Variants in NRG3 observed in about 807,000 individuals in gnomAD.
NRG3 encodes pro-neuregulin-3, membrane-bound isoform.
Under a neutral mutation model 66.9 loss-of-function variants are expected in NRG3, and 31 were observed. The observed-to-expected ratio is 0.46, with a 90% CI of 0.35 to 0.63. The LOEUF is 0.63. Ranked by LOEUF, NRG3 falls within the 20% of genes least tolerant of loss-of-function variation. The probability of loss-of-function intolerance (pLI) is 0.00; values close to 1 mark genes in which losing one functional copy is unlikely to be tolerated. For synonymous variants in NRG3, 393 were observed against 359.4 expected (o/e 1.09, Z -1.06); for missense variants, 910 against 878.9 (o/e 1.04, Z -0.45).
At chr10:82,636,259 G>A (rs1311166963) in intron 2 of NRG3, among the ~76,000 whole-genome samples, 1 of 151,746 alleles carries the variant, frequency 6.6e-6, no homozygotes, top group Non-Finnish European at 1.5e-5. Context: ...GTGTGTGTGT[G>A]TAAATATGTG....
chr10:82,217,312 C>T (rs953544633), intron 1 of NRG3, among the ~76,000 whole-genome samples: 6 of 152,158 alleles, frequency 3.9e-5, no homozygotes, highest in South Asian at 2.1e-4. Flanking sequence ...TGGGTGCCAT[C>T]GCTCTTAACA....
At position 82,293,583 on chromosome 10, in the gene NRG3, G is replaced by A. The variant is rs991580966; in HGVS notation, c.824-65156G>A. On this transcript the variant is annotated intron_variant, in intron 1 of 8. Coordinates refer to ENST00000372141, the MANE Select transcript of NRG3 (RefSeq NM_001010848.4). ...ATTTTTCTCCTTCTCTTAGGCTACTGAAATTCTACAGCTAATTTGATTTAT... is the reference window on the plus strand; with the variant it reads ...ATTTTTCTCCTTCTCTTAGGCTACTAAAATTCTACAGCTAATTTGATTTAT... Among the ~76,000 whole-genome samples, 5 of 152,236 alleles carry A rather than the reference G, an allele frequency of 3.3e-5. No individual in the cohort carries two copies. The South Asian group carries it at 1.0e-3, about 32-fold the overall frequency.
At position 82,738,583 on chromosome 10, in the gene NRG3, A is replaced by C; in HGVS notation, c.960A>C (p.Lys320Asn). ...ATTTATCCCCTTTTCTCAGGTGCAA[A>C]GAAGGCTACCAAGGAGTCCGTTGTG... Reference protein sequence around the residue: ...LTGSHKHCRCKEGYQGVRCDQ... With the variant: ...LTGSHKHCRCNEGYQGVRCDQ... Residue 320 changes from lysine to asparagine, a missense_variant, in exon 3 of 9, where the codon AAA (lysine) becomes AAC (asparagine). Physicochemically the swap from Lys to Asn is moderately conservative, Grantham distance 94 (BLOSUM62 0). Coordinates refer to ENST00000372141, the MANE Select transcript of NRG3 (RefSeq NM_001010848.4). 1 of 1,614,050 alleles carries C rather than the reference A, an allele frequency of 6.2e-7. No homozygotes were observed. Among genetic ancestry groups the C allele is most frequent in the Non-Finnish European group, 8.5e-7 (1 of 1,179,900 alleles).
intron 1 of NRG3, among the ~76,000 whole-genome samples, chr10:81,923,695 G>A (rs1430369442): frequency 6.7e-6 from 1 of 149,998 alleles, no homozygotes; most frequent in African/African-American, 2.5e-5. Flanking sequence ...CAAGACCCCC[G>A]GAGAATGCTG....
intron 1 of NRG3, among the ~76,000 whole-genome samples, chr10:81,960,132 C>A (rs7100526): frequency 7.2e-5 from 11 of 151,882 alleles, no homozygotes; most frequent in Admixed American, 3.3e-4. Flanking sequence ...GTTCTATTCA[C>A]AATCCTTCTT....
intron 2 of NRG3, among the ~76,000 whole-genome samples, chr10:82,573,783 GCA>G (rs1260288409): frequency 6.6e-6 from 1 of 151,766 alleles, no homozygotes; most frequent in Non-Finnish European, 1.5e-5. Context: ...CAAAATGGAA[GCA>G]CTTTTGAGGG....
chr10:82,433,010 C>A (rs995153309), intron 2 of NRG3, among the ~76,000 whole-genome samples: 3 of 152,140 alleles, frequency 2.0e-5, no homozygotes, highest in Non-Finnish European at 4.4e-5. Context: ...AATGGTATTT[C>A]TGGTTCTAGA....
intron 1 of NRG3, among the ~76,000 whole-genome samples, chr10:82,288,456 A>G (rs1055321520): frequency 1.3e-5 from 2 of 152,154 alleles, no homozygotes; most frequent in African/African-American, 4.8e-5. Context: ...AAGTGCTTTC[A>G]CTGAGGCTCA....
chr10:82,175,274 C>T (rs2072942073), intron 1 of NRG3, among the ~76,000 whole-genome samples: 1 of 152,132 alleles, frequency 6.6e-6, no homozygotes, highest in African/African-American at 2.4e-5. Context: ...CTGATGCTAA[C>T]AGAATCATCA....
intron 1 of NRG3, among the ~76,000 whole-genome samples, chr10:82,115,256 C>T (rs185239635): frequency 6.4e-4 from 97 of 152,184 alleles, no homozygotes; most frequent in Non-Finnish European, 1.2e-3. Flanking sequence ...AGCTTCCCCA[C>T]CTCTCCCTAG....
intron 2 of NRG3, among the ~76,000 whole-genome samples, chr10:82,687,333 T>C (rs1382541086): frequency 6.6e-6 from 1 of 152,088 alleles, no homozygotes; most frequent in East Asian, 1.9e-4. Flanking sequence ...TAATTAACAT[T>C]CCTCCATCAC....
At chr10:81,881,120 C>T (rs1475154757) in intron 1 of NRG3, among the ~76,000 whole-genome samples, 1 of 151,776 alleles carries the variant, frequency 6.6e-6, no homozygotes, top group Non-Finnish European at 1.5e-5. Context: ...TCCCACCTGC[C>T]AGTATTTTAT....
intron 1 of NRG3, among the ~76,000 whole-genome samples, chr10:82,314,145 A>C (rs2081177951): frequency 6.6e-6 from 1 of 152,206 alleles, no homozygotes; most frequent in African/African-American, 2.4e-5. Context: ...GCACAGATTA[A>C]ATAATAAATA....
chr10:82,714,705 C>T (rs893605611), intron 2 of NRG3, among the ~76,000 whole-genome samples: 1 of 152,058 alleles, frequency 6.6e-6, no homozygotes, highest in Non-Finnish European at 1.5e-5. Context: ...ACAAGAAAAA[C>T]ATAGTGGTAT....
At chr10:81,997,228 A>G (rs1564723488) in intron 1 of NRG3, among the ~76,000 whole-genome samples, 1 of 152,162 alleles carries the variant, frequency 6.6e-6, no homozygotes, top group Non-Finnish European at 1.5e-5. Flanking sequence ...GTGCCTCTCT[A>G]ACACTGTATC....
At chr10:82,088,482 T>G (rs530322276) in intron 1 of NRG3, among the ~76,000 whole-genome samples, 32 of 152,306 alleles carry the variant, frequency 2.1e-4, no homozygotes, top group Admixed American at 1.9e-3. Context: ...TTTGTAGAGA[T>G]ACATTTGTCT....
intron 1 of NRG3, among the ~76,000 whole-genome samples, chr10:82,299,562 A>G (rs80041961): frequency 8.0e-6 from 1 of 125,500 alleles, no homozygotes; most frequent in Non-Finnish European, 1.7e-5. Context: ...TTTTTTTTTT[A>G]TTGTTGTTGT....
intron 3 of NRG3, among the ~76,000 whole-genome samples, chr10:82,758,415 G>T (rs1388323868): frequency 6.6e-6 from 1 of 152,072 alleles, no homozygotes; most frequent in Non-Finnish European, 1.5e-5. Flanking sequence ...AAGGGGAAAG[G>T]CTTGCAGAGA....
chr10:82,068,836 A>G (rs2064641209), intron 1 of NRG3, among the ~76,000 whole-genome samples: 1 of 152,224 alleles, frequency 6.6e-6, no homozygotes, highest in South Asian at 2.1e-4. Flanking sequence ...TAAAGTATGG[A>G]ATGAAATAAT....
Sources: allele counts gnomAD v4.1 joint callset (sites outside exome capture counted in the v4.1 genomes callset), GRCh38; gene constraint gnomAD v4.1.1; transcripts MANE v1.5; gene names NCBI Gene and HGNC (gene_info 2026-07-23, HGNC 2026-07-21).